Variants in ZNF292 observed in about 807,000 individuals in gnomAD.
ZNF292 encodes zinc finger protein 292, also known as 16 zinc-finger domain protein.
Under a neutral mutation model 217.9 loss-of-function variants are expected in ZNF292, and 26 were observed. The observed-to-expected ratio is 0.12, with a 90% CI of 0.09 to 0.17. The LOEUF (loss-of-function observed/expected upper bound fraction) is 0.17, where lower values mean the gene tolerates loss of function less well. Ranked by LOEUF, ZNF292 falls within the 10% of genes least tolerant of loss-of-function variation. The probability of loss-of-function intolerance (pLI) is 1.00; values close to 1 mark genes in which losing one functional copy is unlikely to be tolerated. For synonymous variants in ZNF292, 1,257 were observed against 1,124.1 expected (o/e 1.12, Z -2.37); for missense variants, 2,904 against 3,175.2 (o/e 0.91, Z 2.05).
At chr6:87,193,609 C>A (rs1487929673) in intron 1 of ZNF292, among the ~76,000 whole-genome samples, 1 of 152,020 alleles carries the variant, frequency 6.6e-6, no homozygotes, top group Non-Finnish European at 1.5e-5. Flanking sequence ...ACAACCTGCG[C>A]CCTTCAACTG....
intron 1 of ZNF292, among the ~76,000 whole-genome samples, chr6:87,185,475 AGAACTT>A (rs1392754886): frequency 1.1e-4 from 17 of 152,344 alleles, no homozygotes; most frequent in African/African-American, 4.1e-4. Context: ...AGAATATTCT[AGAACTT>A]GAAGCATACT....
intron 4 of ZNF292, among the ~76,000 whole-genome samples, chr6:87,232,722 TTTTATCC>T (rs1451757280): frequency 4.2e-5 from 1 of 23,972 alleles, no homozygotes; most frequent in Admixed American, 5.8e-4. Context: ...CCCACAGAAG[TTTTATCC>T]TTTGGCGAAG....
intron 6 of ZNF292, 129 bp downstream of exon 6, chr6:87,243,740 T>C: frequency 1.1e-6 from 1 of 887,702 alleles, no homozygotes; most frequent in Non-Finnish European, 1.5e-6. Context: ...ATTTAGATAT[T>C]ACATGCTGTG....
chr6:87,218,821 A>G (rs1772922940), intron 4 of ZNF292, 90 bp downstream of exon 4: 3 of 1,362,522 alleles, frequency 2.2e-6, no homozygotes, highest in Non-Finnish European at 2.9e-6. Context: ...ATCTCAAGAT[A>G]TTCCAAAGAA....
At chr6:87,220,630 A>G (rs184775963) in intron 4 of ZNF292, among the ~76,000 whole-genome samples, 2 of 152,334 alleles carry the variant, frequency 1.3e-5, no homozygotes, top group Admixed American at 1.3e-4. Flanking sequence ...ATATTATGCT[A>G]AAGCAGGAAA....
chr6:87,176,983 A>T (rs888944555), intron 1 of ZNF292, among the ~76,000 whole-genome samples: 2 of 151,982 alleles, frequency 1.3e-5, no homozygotes, highest in African/African-American at 4.8e-5. Context: ...TGCTATTCTG[A>T]TGCACCGCCT....
At chr6:87,224,854 T>TG (rs1401473863) in intron 4 of ZNF292, among the ~76,000 whole-genome samples, 2 of 152,182 alleles carry the variant, frequency 1.3e-5, no homozygotes, top group African/African-American at 4.8e-5. Flanking sequence ...TTTGTGTGGA[T>TG]GTCAGTTTTC....
chr6:87,189,506 T>C (rs975853727), intron 1 of ZNF292, among the ~76,000 whole-genome samples: 1 of 152,126 alleles, frequency 6.6e-6, no homozygotes, highest in Admixed American at 6.5e-5. Flanking sequence ...ATTTGTAATA[T>C]CTCCTTAGGC....
At chr6:87,189,831 T>G (rs1455276011) in intron 1 of ZNF292, among the ~76,000 whole-genome samples, 1 of 152,212 alleles carries the variant, frequency 6.6e-6, no homozygotes, top group African/African-American at 2.4e-5. Flanking sequence ...AAGCCACTAT[T>G]TGTAGCCCAC....
At chr6:87,233,238 G>T in intron 4 of ZNF292, 87 bp from the exon 5 acceptor site, 2 of 952,084 alleles carry the variant, frequency 2.1e-6, no homozygotes, top group South Asian at 3.9e-5. Flanking sequence ...TTTAGTTCCC[G>T]TGTTTAAAAA....
rs375975242 is a variant in ZNF292 at position 87,259,050 on chromosome 6, C to G, written c.5421C>G (p.Pro1807=). 22 of 1,613,340 alleles carry G rather than the reference C, an allele frequency of 1.4e-5. No individual in the cohort carries two copies. In the East Asian group the frequency reaches 3.6e-4, roughly 26 times the overall value. ...ACACTGTGCAAAATAACAAATTACC[C>G]GATTCTTCTCCGTTTTCCTCCTTTA... ...SVNTVQNNKL[P]DSSPFSSFIS... Residue 1807 remains proline (P), a synonymous_variant, in exon 8 of 8, where the codon CCC becomes CCG. Transcript: ENST00000369577.
In ZNF292 at chr6:87,259,123, C is replaced by G. The variant is rs764522762; in HGVS notation, c.5494C>G (p.His1832Asp). 1 of 1,613,302 alleles carries G rather than the reference C, an allele frequency of 6.2e-7. No individual in the cohort carries two copies. The highest frequency in any genetic ancestry group is 8.5e-7 in the Non-Finnish European group (1 of 1,179,620). Reference protein sequence around the residue: ...KSNIPQSEVSHKEDQIQEILE... With the variant: ...KSNIPQSEVSDKEDQIQEILE... Reference sequence around the variant, plus strand: ...TAACATTCCTCAGTCTGAAGTATCACATAAGGAGGATCAAATACAGGAAAT... The same window carrying G: ...TAACATTCCTCAGTCTGAAGTATCAGATAAGGAGGATCAAATACAGGAAAT... The change falls in exon 8 of 8, where the codon CAT (histidine) becomes GAT (aspartate). Residue 1832 changes from histidine to aspartate, a missense_variant. By Grantham distance (81) the His-to-Asp change is moderately conservative (BLOSUM62 -1). Around this residue, in one of 15 missense-constraint regions of ZNF292, gnomAD observed 622 missense variants for 573.1 expected, o/e 1.09. Transcript: ENST00000369577.
rs1283620315 is a variant in ZNF292 at position 87,263,987 on chromosome 6, G to A, written c.*2186G>A. The A allele has an allele frequency of 6.6e-6, 1 of 152,010 alleles. No individual in the cohort carries two copies. The highest frequency in any genetic ancestry group is 1.5e-5 in the Non-Finnish European group (1 of 67,984). The allele number at this position is 152,010 out of a possible 1,614,324, so 9.4% of individuals were successfully genotyped here. Reference sequence around the variant, plus strand: ...ATTTCTAATTGTTTTACATGTCATGGGGAAGAGTTTGCCAACATTTAATGA... The same window carrying A: ...ATTTCTAATTGTTTTACATGTCATGAGGAAGAGTTTGCCAACATTTAATGA... On this transcript the variant is annotated 3_prime_UTR_variant, in exon 8 of 8. Transcript: ENST00000369577.
chr6:87,246,508 C>A (rs1774591205), intron 7 of ZNF292, among the ~76,000 whole-genome samples: 1 of 152,158 alleles, frequency 6.6e-6, no homozygotes, highest in African/African-American at 2.4e-5. Context: ...TATGTTGCTT[C>A]TTGCAGTGAC....
intron 1 of ZNF292, among the ~76,000 whole-genome samples, chr6:87,156,137 C>T (rs912327967): frequency 6.6e-6 from 1 of 152,230 alleles, no homozygotes; most frequent in African/African-American, 2.4e-5. Context: ...ATTACCGCGC[C>T]TCCCGCCTCT....
intron 1 of ZNF292, among the ~76,000 whole-genome samples, chr6:87,199,949 C>T (rs892352591): frequency 1.3e-5 from 2 of 152,166 alleles, no homozygotes; most frequent in Non-Finnish European, 2.9e-5. Context: ...TGTGTGCCAA[C>T]TGGCCCATGA....
chr6:87,240,367 G>T, intron 5 of ZNF292, among the ~76,000 whole-genome samples: 1 of 151,396 alleles, frequency 6.6e-6, no homozygotes, highest in South Asian at 2.1e-4. Flanking sequence ...GGAGACCCGT[G>T]GCGGTGGGTG....
Position 87,243,251 on chromosome 6 carries a change from A to G in ZNF292, c.742-224A>G, listed in dbSNP as rs1424128546. Among the ~76,000 whole-genome samples the G allele has an allele frequency of 8.0e-5, 12 of 149,292 alleles. No homozygotes were observed. The East Asian group carries it at 1.8e-3, about 22-fold the overall frequency. On this transcript the variant is annotated intron_variant, in intron 5 of 7. Transcript: ENST00000369577. The stretch of plus-strand genomic sequence containing the variant: ...GTTTCTTAATTTTCTCAGAATTACT[A>G]TATAAATTTCTACTGGCTATAAAGA...
At chr6:87,170,526 ATG>A (rs149944389) in intron 1 of ZNF292, among the ~76,000 whole-genome samples, 2,825 of 152,304 alleles carry the variant, frequency 0.019, 77 homozygotes, top group East Asian at 0.14. Flanking sequence ...TGACTTGCTT[ATG>A]AAATATTTTT....
Sources: gnomAD v4.1 joint callset for allele counts (sites outside exome capture counted in the v4.1 genomes callset) on GRCh38, gnomAD v4.1.1 for gene constraint, gnomAD v4.1.1 regional missense constraint, MANE v1.5 for transcripts, NCBI Gene and HGNC (gene_info 2026-07-23, HGNC 2026-07-21) for gene names.